The following CMSS1 variants were observed in gnomAD, a reference collection of about 807,000 sequenced individuals.
The protein encoded by CMSS1 is protein CMSS1.
CMSS1 carries 33 observed loss-of-function variants against 43.5 expected under a neutral mutation model. The observed-to-expected ratio is 0.76, with a 90% CI of 0.57 to 1.01. The LOEUF is 1.01. Ranked by LOEUF, CMSS1 falls within the 50% of genes least tolerant of loss-of-function variation. The pLI, the probability that CMSS1 is intolerant of heterozygous loss-of-function variation, is 0.00. For missense variants in CMSS1, 313 were observed against 326.4 expected (o/e 0.96, Z 0.32); for synonymous variants, 115 against 117.2 (o/e 0.98, Z 0.12).
intron 1 of CMSS1, among the ~76,000 whole-genome samples, chr3:99,856,659 C>T (rs1421390276): frequency 6.6e-6 from 1 of 152,148 alleles, no homozygotes; most frequent in Non-Finnish European, 1.5e-5. Flanking sequence ...ATACCAGTTC[C>T]TTATTTTTTC....
At chr3:99,903,546 G>A (rs931412231) in intron 1 of CMSS1, among the ~76,000 whole-genome samples, 13 of 152,106 alleles carry the variant, frequency 8.5e-5, no homozygotes, top group East Asian at 5.8e-4. Context: ...CACCGCGCCC[G>A]GCCATGTATG....
At chr3:99,891,609 G>A (rs1173297630) in intron 1 of CMSS1, among the ~76,000 whole-genome samples, 1 of 152,004 alleles carries the variant, frequency 6.6e-6, no homozygotes, top group Non-Finnish European at 1.5e-5. Flanking sequence ...GAGACACTAG[G>A]TTAGGGTAGC....
chr3:100,101,034 G>C (rs779562932), intron 1 of CMSS1, among the ~76,000 whole-genome samples: 2 of 152,170 alleles, frequency 1.3e-5, no homozygotes, highest in East Asian at 1.9e-4. Context: ...TAGGATAGCA[G>C]CCTTCAGATT....
At chr3:99,844,552 A>T (rs1420335251) in intron 1 of CMSS1, among the ~76,000 whole-genome samples, 1 of 152,222 alleles carries the variant, frequency 6.6e-6, no homozygotes, top group African/African-American at 2.4e-5. Context: ...TTCAGAATCA[A>T]AGAAGCTACT....
At position 99,951,310 on chromosome 3, in the gene CMSS1, C is replaced by A. The variant is rs192621771; in HGVS notation, c.64+133267C>A. 4.0e-3 allele frequency among the ~76,000 whole-genome samples: 614 copies of A among 152,270 alleles called. 4 individuals are homozygous for A. The highest frequency in any genetic ancestry group is 4.4e-3 in the Non-Finnish European group (302 of 68,022). On this transcript the variant is annotated intron_variant, in intron 1 of 9. Transcript: ENST00000421999. ...GTAATTACAGTAGCTATTTTACTTA[C>A]ATCTATATTATTATCTAAAGAATTT...
intron 1 of CMSS1, among the ~76,000 whole-genome samples, chr3:100,034,960 A>G (rs908034539): frequency 6.6e-6 from 1 of 152,190 alleles, no homozygotes; most frequent in Non-Finnish European, 1.5e-5. Context: ...GTATCAAAAA[A>G]CAACTTGGGA....
At chr3:99,945,052 T>C (rs1448666910) in intron 1 of CMSS1, among the ~76,000 whole-genome samples, 1 of 152,010 alleles carries the variant, frequency 6.6e-6, no homozygotes, top group African/African-American at 2.4e-5. Flanking sequence ...AAGTCAAAAA[T>C]CATCAAGAAT....
At chr3:99,850,758 T>C (rs749076151) in intron 1 of CMSS1, 2 of 1,614,220 alleles carry the variant, frequency 1.2e-6, no homozygotes, top group East Asian at 4.5e-5. Flanking sequence ...TAATTGTGTC[T>C]TGGTCTTGGT....
chr3:99,836,296 T>C (rs1942892771), intron 1 of CMSS1, among the ~76,000 whole-genome samples: 1 of 152,134 alleles, frequency 6.6e-6, no homozygotes, highest in African/African-American at 2.4e-5. Context: ...TGGAGAATAG[T>C]TCCCAGATGT....
chr3:100,136,291 A>C (rs1344825846), intron 1 of CMSS1, among the ~76,000 whole-genome samples: 1 of 152,168 alleles, frequency 6.6e-6, no homozygotes. Flanking sequence ...CTAGAAAAAA[A>C]AACAAATAAA....
At chr3:99,903,849 A>G (rs970555479) in intron 1 of CMSS1, among the ~76,000 whole-genome samples, 9 of 152,212 alleles carry the variant, frequency 5.9e-5, no homozygotes, top group Non-Finnish European at 1.3e-4. Context: ...AGGCAGAAAT[A>G]AGAAATAATA....
intron 1 of CMSS1, among the ~76,000 whole-genome samples, chr3:99,844,899 T>A (rs1023646781): frequency 6.6e-6 from 1 of 152,222 alleles, no homozygotes; most frequent in Non-Finnish European, 1.5e-5. Flanking sequence ...TTTCTTTGCC[T>A]CCTGCCATGA....
chr3:99,869,633 C>G (rs1225111102), intron 1 of CMSS1, among the ~76,000 whole-genome samples: 1 of 152,132 alleles, frequency 6.6e-6, no homozygotes. Context: ...CATGTTCTCT[C>G]TAGGCTCCTG....
At chr3:99,905,306 C>A (rs1418671528) in intron 1 of CMSS1, among the ~76,000 whole-genome samples, 2 of 152,162 alleles carry the variant, frequency 1.3e-5, no homozygotes, top group Admixed American at 1.3e-4. Context: ...TCCATCTAGT[C>A]CCATGTGTGC....
intron 1 of CMSS1, among the ~76,000 whole-genome samples, chr3:100,081,916 GAC>G (rs1471131680): frequency 6.6e-6 from 1 of 152,086 alleles, no homozygotes; most frequent in Non-Finnish European, 1.5e-5. Context: ...AATGTCTCCA[GAC>G]ACTGTCAGAT....
rs1231249769 is a variant in CMSS1 at position 100,146,974 on chromosome 3, A to C, written c.66A>C (p.Glu22Asp). 6.2e-7 allele frequency: 1 copy of C among 1,613,520 alleles called. No homozygotes were observed. The part of the protein sequence containing the change: ...NQPTGAGSSP[E>D]ASDGEGEGDT... The stretch of plus-strand genomic sequence containing the variant: ...ATTTTCAAACTTTATATTTTCTAGA[A>C]GCATCAGATGGTGAAGGAGAAGGAG... The change falls in exon 2 of 10, where the codon GAA (glutamate) becomes GAC (aspartate). Residue 22 changes from glutamate (E) to aspartate (D), a missense_variant and splice_region_variant. Transcript: ENST00000421999.
At chr3:100,154,727 C>G (rs905988953) in intron 2 of CMSS1, among the ~76,000 whole-genome samples, 6 of 152,116 alleles carry the variant, frequency 3.9e-5, no homozygotes, top group African/African-American at 1.4e-4. Flanking sequence ...AATCCCAGCA[C>G]TTTGGGAGGC....
chr3:100,166,938 G>A (rs533886243), intron 5 of CMSS1, among the ~76,000 whole-genome samples: 1 of 151,980 alleles, frequency 6.6e-6, no homozygotes, highest in East Asian at 1.9e-4. Context: ...GGTAGAGACA[G>A]GGTCTTTCTA....
chr3:100,162,297 T>C lies in CMSS1; in HGVS notation c.226-6T>C, dbSNP rs2067030811. On this transcript the variant is annotated splice_region_variant and splice_polypyrimidine_tract_variant and intron_variant, in intron 3 of 9. Transcript: ENST00000421999. ...CGTCCCATTTTTCTTCTTTCTCATA[T>C]CTTAGAAGAAAATTACTGATGTTCT... 7 of 1,607,430 alleles carry C rather than the reference T, an allele frequency of 4.4e-6. No homozygotes were observed. The highest frequency in any genetic ancestry group is 5.9e-6 in the Non-Finnish European group (7 of 1,177,200).
Sources: gnomAD v4.1 joint callset for allele counts (sites outside exome capture counted in the v4.1 genomes callset) on GRCh38, gnomAD v4.1.1 for gene constraint, MANE v1.5 for transcripts, NCBI Gene and HGNC (gene_info 2026-07-23, HGNC 2026-07-21) for gene names.